PIGK: variants seen among roughly 807,000 people sequenced by gnomAD.
The protein encoded by PIGK is phosphatidylinositol glycan anchor biosynthesis class K.
In PIGK, 42 loss-of-function variants were observed where a neutral mutation model predicts 50.6. The observed-to-expected ratio is 0.83, with a 90% CI of 0.65 to 1.07. The LOEUF (loss-of-function observed/expected upper bound fraction) is 1.07. Ranked by LOEUF, PIGK falls within the 50% of genes least tolerant of loss-of-function variation. The pLI is 0.00. For synonymous variants in PIGK, 151 were observed against 156.0 expected, an observed-to-expected ratio of 0.97 and a Z score of 0.24; for missense variants, 448 against 488.7, an observed-to-expected ratio of 0.92 and a Z score of 0.78.
chr1:77,126,045 G>A (rs1001832092), intron 9 of PIGK, among the ~76,000 whole-genome samples: 1 of 152,034 alleles, frequency 6.6e-6, no homozygotes, highest in South Asian at 2.1e-4. Flanking sequence ...GTCAGCTGCT[G>A]TTTCACATAT....
At chr1:77,152,874 G>A (rs1189014469) in intron 9 of PIGK, among the ~76,000 whole-genome samples, 1 of 151,992 alleles carries the variant, frequency 6.6e-6, no homozygotes, top group Non-Finnish European at 1.5e-5. Context: ...ACAAATGCTG[G>A]CAAGGATGTG....
chr1:77,094,853 A>G (rs922455168), intron 10 of PIGK, among the ~76,000 whole-genome samples: 3 of 152,150 alleles, frequency 2.0e-5, no homozygotes, highest in Admixed American at 1.3e-4. Context: ...TGTGTTTCAC[A>G]TCTAGACCGC....
At chr1:77,170,341 C>T (rs866441714) in intron 3 of PIGK, among the ~76,000 whole-genome samples, 83 of 152,294 alleles carry the variant, frequency 5.4e-4, no homozygotes, top group African/African-American at 1.8e-3. Context: ...CCACACTGGC[C>T]TTTCTGTTCT....
At chr1:77,180,340 T>C (rs569992150) in intron 3 of PIGK, among the ~76,000 whole-genome samples, 1 of 152,234 alleles carries the variant, frequency 6.6e-6, no homozygotes, top group East Asian at 1.9e-4. Flanking sequence ...TAGTTATTTA[T>C]GTAAATAGAT....
At chr1:77,131,198 T>C (rs1654364714) in intron 9 of PIGK, among the ~76,000 whole-genome samples, 1 of 151,742 alleles carries the variant, frequency 6.6e-6, no homozygotes, top group Non-Finnish European at 1.5e-5. Flanking sequence ...AATACATCTA[T>C]AGACACATGC....
chr1:77,157,910 A>G (rs925343053), intron 8 of PIGK, among the ~76,000 whole-genome samples: 2 of 152,214 alleles, frequency 1.3e-5, no homozygotes, highest in African/African-American at 2.4e-5. Flanking sequence ...GACTGCCACC[A>G]TGTAAGATGT....
At position 77,154,621 on chromosome 1, in the gene PIGK, A is replaced by G. The variant is rs1262553039; in HGVS notation, c.814T>C (p.Phe272Leu). The change falls in exon 9 of 11, where the codon TTT (phenylalanine) becomes CTT (leucine). Residue 272 changes from phenylalanine (F) to leucine (L), a missense_variant and splice_region_variant. By Grantham distance (22) the Phe-to-Leu change is conservative. Coordinates refer to ENST00000370812, the MANE Select transcript of PIGK (RefSeq NM_005482.3). Reference protein sequence around the residue: ...PASQTNMNDLFQVCPKSLCVS... With the variant: ...PASQTNMNDLLQVCPKSLCVS... Reference sequence around the variant, plus strand: ...CACAGACTTTTGGGACATACCTGAAACTGAAAAAATATATAATAATAAATG... The same window carrying G: ...CACAGACTTTTGGGACATACCTGAAGCTGAAAAAATATATAATAATAAATG... 1.9e-6 allele frequency: 3 copies of G among 1,598,362 alleles called. No individual in the cohort carries two copies. Among genetic ancestry groups the G allele is most frequent in the Non-Finnish European group, 2.6e-6 (3 of 1,168,558 alleles).
At chr1:77,146,237 T>A (rs1654764315) in intron 9 of PIGK, among the ~76,000 whole-genome samples, 1 of 152,206 alleles carries the variant, frequency 6.6e-6, no homozygotes, top group East Asian at 1.9e-4. Context: ...ACTATAAAAC[T>A]TCTAGAAGAA....
At chr1:77,198,040 C>T (rs1656075665) in intron 3 of PIGK, among the ~76,000 whole-genome samples, 1 of 151,918 alleles carries the variant, frequency 6.6e-6, no homozygotes, top group African/African-American at 2.4e-5. Flanking sequence ...CTAAAGAAAG[C>T]TTATTAAAGG....
chr1:77,200,208 T>C (rs574871414), intron 3 of PIGK, among the ~76,000 whole-genome samples: 1 of 152,082 alleles, frequency 6.6e-6, no homozygotes, highest in East Asian at 1.9e-4. Flanking sequence ...AAGCAGGGAA[T>C]AAACAGCTAC....
intron 10 of PIGK, among the ~76,000 whole-genome samples, chr1:77,100,522 T>C (rs1489859126): frequency 1.3e-5 from 2 of 152,210 alleles, no homozygotes; most frequent in Non-Finnish European, 2.9e-5. Flanking sequence ...GGACAAGACC[T>C]GTGAATATGA....
chr1:77,164,051 T>A (rs1364422797), intron 5 of PIGK, 109 bp from the exon 6 acceptor site: 1 of 598,232 alleles, frequency 1.7e-6, no homozygotes, highest in Non-Finnish European at 2.9e-6. Context: ...TGTTATTTTA[T>A]ACTCTAAAAT....
chr1:77,127,078 G>C lies in PIGK; in HGVS notation c.987-4719C>G, dbSNP rs1489255878. 5.3e-5 allele frequency among the ~76,000 whole-genome samples: 8 copies of C among 152,042 alleles called. No individual in the cohort carries two copies. In the East Asian group the frequency reaches 1.5e-3, roughly 29 times the overall value. On this transcript the variant is annotated intron_variant, in intron 9 of 10. Transcript: ENST00000370812. ...CATGGTATTTGCTTACTTTATAATA[G>C]GATTTTGACTCCAATAGAGTCATAC...
chr1:77,104,349 A>G (rs56079641), intron 10 of PIGK, among the ~76,000 whole-genome samples: 5,642 of 152,188 alleles, frequency 0.037, 206 homozygotes, highest in South Asian at 0.21. Context: ...AAACATGAAC[A>G]CATGAGGAGA....
Position 77,092,227 on chromosome 1 carries a change from G to A in PIGK, c.*147C>T. The A allele has an allele frequency of 2.1e-6, 1 of 473,338 alleles. No individual in the cohort carries two copies. 29.3% of individuals were successfully genotyped at this position (473,338 alleles called of 1,614,324 possible). The stretch of plus-strand genomic sequence containing the variant: ...TGCATTAACAATTATTTTTCTTTAA[G>A]TTATAAAATTAATAGTTGATTCAAA... On this transcript the variant is annotated 3_prime_UTR_variant, in exon 11 of 11. Transcript: ENST00000370812.
At chr1:77,176,117 T>C (rs1334172073) in intron 3 of PIGK, among the ~76,000 whole-genome samples, 1 of 152,204 alleles carries the variant, frequency 6.6e-6, no homozygotes, top group Admixed American at 6.5e-5. Flanking sequence ...AAAAGGTTTT[T>C]GCCTTTTTAG....
chr1:77,127,497 G>C (rs1654258116), intron 9 of PIGK, among the ~76,000 whole-genome samples: 1 of 152,124 alleles, frequency 6.6e-6, no homozygotes, highest in African/African-American at 2.4e-5. Context: ...CTAGGAATTA[G>C]ATACCAGCCT....
chr1:77,097,640 G>A (rs1485050160), intron 10 of PIGK, among the ~76,000 whole-genome samples: 1 of 152,016 alleles, frequency 6.6e-6, no homozygotes, highest in African/African-American at 2.4e-5. Context: ...AACATTATTA[G>A]TTAACATTAC....
At chr1:77,194,815 AG>A in intron 3 of PIGK, 4 of 364,974 alleles carry the variant, frequency 1.1e-5, no homozygotes, top group South Asian at 4.5e-5. Flanking sequence ...AAAAAAAAAA[AG>A]ACTCAGTGAC....
Sources: gnomAD v4.1 joint callset for allele counts (sites outside exome capture counted in the v4.1 genomes callset) on GRCh38, gnomAD v4.1.1 for gene constraint, MANE v1.5 for transcripts, NCBI Gene and HGNC (gene_info 2026-07-23, HGNC 2026-07-21) for gene names.